Variants in DLGAP2 observed in about 807,000 individuals in gnomAD.
DLGAP2 encodes DLG associated protein 2, also known as disks large-associated protein 2.
A neutral mutation model predicts 100.3 loss-of-function variants in DLGAP2; 26 were observed. The ratio of observed to expected loss-of-function variants is 0.26; its 90% CI spans 0.19 to 0.36. The LOEUF (loss-of-function observed/expected upper bound fraction) is 0.36. Among genes scored for constraint, DLGAP2 ranks in the 10% least tolerant of loss-of-function variants. DLGAP2 has a pLI of 1.00. For missense variants in DLGAP2, 1,858 were observed against 1,453.2 expected (o/e 1.28, Z -4.53); for synonymous variants, 886 against 630.1 (o/e 1.41, Z -6.08).
At chr8:761,586 T>C (rs1821085598) in intron 1 of DLGAP2, among the ~76,000 whole-genome samples, 1 of 152,232 alleles carries the variant, frequency 6.6e-6, no homozygotes, top group East Asian at 1.9e-4. Context: ...CTGGCCGGGA[T>C]GGGCACTGGG....
Position 1,287,471 on chromosome 8 carries a change from C to CGT in DLGAP2, c.106+28612_106+28613dup, listed in dbSNP as rs764935176. On this transcript the variant is annotated intron_variant, in intron 3 of 14. Coordinates refer to ENST00000637795, the MANE Select transcript of DLGAP2 (RefSeq NM_001346810.2). ...AGGAGGGGAACTAGTTTCGGTTCAG[C>CGT]GTGTGTGTGTGTGTGTGTGTGTGTG... Among the ~76,000 whole-genome samples the CGT allele has an allele frequency of 1.0e-2, 232 of 23,304 alleles. 13 individuals carry two copies. Among genetic ancestry groups the CGT allele is most frequent in the Non-Finnish European group, 0.013 (197 of 14,792 alleles). 15.3% of individuals were successfully genotyped at this position (23,304 alleles called of 152,430 possible). A position where few individuals can be genotyped will look rare whatever the true frequency, so the allele number is the denominator to read the frequency against.
chr8:1,276,005 AATAG>A lies in DLGAP2; in HGVS notation c.106+17126_106+17129del, dbSNP rs1418399866. ...AATATATAAATAAATGTAATATATA[AATAG>A]ATATAGAATATATAAATAAATATAT... is the stretch of plus-strand genomic sequence containing the variant. On this transcript the variant is annotated intron_variant, in intron 3 of 14. Transcript: ENST00000637795. 3.8e-5 allele frequency among the ~76,000 whole-genome samples: 5 copies of A among 130,372 alleles called. No individual in the cohort carries two copies. The South Asian group carries it at 6.8e-4, about 18-fold the overall frequency. The allele number at this position is 130,372 out of a possible 152,430, so 85.5% of individuals were successfully genotyped here. A position where few individuals can be genotyped will look rare whatever the true frequency, so the allele number is the denominator to read the frequency against.
chr8:1,708,148 C>T lies in DLGAP2; in HGVS notation c.*6742C>T, dbSNP rs1365103447. On this transcript the variant is annotated 3_prime_UTR_variant, in exon 15 of 15. Transcript: ENST00000637795. ...CGTTTCCGCCATAACCGTCCTGTGA[C>T]GATGCCTCCATTTGACTTCTGTATC... 4.6e-5 allele frequency: 7 copies of T among 152,204 alleles called. No homozygotes were observed. The East Asian group carries it at 5.8e-4, about 13-fold the overall frequency. The allele number at this position is 152,204 out of a possible 1,614,324, so 9.4% of individuals were successfully genotyped here. A position where few individuals can be genotyped will look rare whatever the true frequency, so the allele number is the denominator to read the frequency against.
chr8:814,691 CAA>C (rs879636608), intron 1 of DLGAP2, among the ~76,000 whole-genome samples: 22 of 140,390 alleles, frequency 1.6e-4, no homozygotes, highest in African/African-American at 5.2e-4. Context: ...ACTAAAAATA[CAA>C]AAAAAAAAAA....
intron 6 of DLGAP2, chr8:1,604,473 T>G (rs544075902): frequency 6.6e-6 from 1 of 152,148 alleles, no homozygotes; most frequent in Non-Finnish European, 1.5e-5. Context: ...AAATTTGGAT[T>G]TGGGGCTGAC....
chr8:1,079,086 G>T (rs997946792), intron 2 of DLGAP2, among the ~76,000 whole-genome samples: 1 of 152,176 alleles, frequency 6.6e-6, no homozygotes, highest in African/African-American at 2.4e-5. Context: ...GGTCTAGCTT[G>T]TGGTCATCTG....
At chr8:1,686,673 CA>C (rs34790163) in intron 12 of DLGAP2, among the ~76,000 whole-genome samples, 18,293 of 139,946 alleles carry the variant, frequency 0.13, 1,249 homozygotes, top group East Asian at 0.23. Flanking sequence ...AGACCCCATC[CA>C]AAAAAAAAAA....
intron 2 of DLGAP2, among the ~76,000 whole-genome samples, chr8:1,132,736 G>A (rs908076271): frequency 1.3e-5 from 2 of 152,168 alleles, no homozygotes; most frequent in Non-Finnish European, 2.9e-5. Flanking sequence ...TTTAAAGGTA[G>A]GGTTGCAGAA....
At chr8:1,506,084 G>C (rs964341301) in intron 4 of DLGAP2, among the ~76,000 whole-genome samples, 2 of 152,182 alleles carry the variant, frequency 1.3e-5, no homozygotes, top group East Asian at 1.9e-4. Flanking sequence ...CAGGCACATA[G>C]ATTGTGAACA....
At chr8:1,025,934 G>C (rs1391485814) in intron 2 of DLGAP2, among the ~76,000 whole-genome samples, 2 of 152,174 alleles carry the variant, frequency 1.3e-5, no homozygotes, top group African/African-American at 4.8e-5. Context: ...AGAGTTTCTA[G>C]GGAGCAGGGA....
At chr8:1,539,538 G>A (rs547084483) in intron 4 of DLGAP2, among the ~76,000 whole-genome samples, 5 of 152,258 alleles carry the variant, frequency 3.3e-5, no homozygotes, top group African/African-American at 1.2e-4. Flanking sequence ...GGACTGGGGT[G>A]CACTGAGCCT....
intron 3 of DLGAP2, among the ~76,000 whole-genome samples, chr8:1,328,609 C>G (rs564603243): frequency 3.7e-4 from 57 of 152,288 alleles, no homozygotes; most frequent in African/African-American, 1.2e-3. Flanking sequence ...CCTTGGCCTC[C>G]TAAAGTGCTG....
chr8:1,287,936 C>CAG (rs1799977513), intron 3 of DLGAP2, among the ~76,000 whole-genome samples: 1 of 83,148 alleles, frequency 1.2e-5, no homozygotes, highest in Non-Finnish European at 2.2e-5. Flanking sequence ...AGTTTTGGTT[C>CAG]AGCGTGTGTG....
intron 3 of DLGAP2, among the ~76,000 whole-genome samples, chr8:1,436,691 G>A (rs952625717): frequency 2.6e-5 from 4 of 152,136 alleles, no homozygotes; most frequent in Admixed American, 1.3e-4. Context: ...AGCATACAGT[G>A]ATGTCTCGGG....
At chr8:1,171,347 A>C (rs1047653878) in intron 2 of DLGAP2, among the ~76,000 whole-genome samples, 13 of 152,168 alleles carry the variant, frequency 8.5e-5, no homozygotes, top group Non-Finnish European at 1.9e-4. Flanking sequence ...TGCTGAAAAA[A>C]ATGTATATTC....
At chr8:1,364,603 G>T (rs542511981) in intron 3 of DLGAP2, among the ~76,000 whole-genome samples, 66 of 152,362 alleles carry the variant, frequency 4.3e-4, no homozygotes, top group African/African-American at 1.5e-3. Flanking sequence ...AGGGGCCGGC[G>T]TGCCGCCTCT....
intron 1 of DLGAP2, among the ~76,000 whole-genome samples, chr8:742,068 A>G (rs1305325695): frequency 6.6e-6 from 1 of 152,222 alleles, no homozygotes; most frequent in Non-Finnish European, 1.5e-5. Context: ...CGTGACTTTC[A>G]GTTACATAAA....
intron 2 of DLGAP2, among the ~76,000 whole-genome samples, chr8:1,053,018 G>A (rs749368248): frequency 1.3e-5 from 2 of 152,162 alleles, no homozygotes; most frequent in East Asian, 1.9e-4. Flanking sequence ...TCATCACTGC[G>A]GAGTTGCTGT....
chr8:1,370,023 A>C (rs893491203), intron 3 of DLGAP2, among the ~76,000 whole-genome samples: 2 of 152,034 alleles, frequency 1.3e-5, no homozygotes, highest in African/African-American at 4.8e-5. Context: ...TGAGTTCAGC[A>C]GCATCCTCCC....
Sources: gnomAD v4.1 joint callset for allele counts (sites outside exome capture counted in the v4.1 genomes callset) on GRCh38, gnomAD v4.1.1 for gene constraint, MANE v1.5 for transcripts, NCBI Gene and HGNC (gene_info 2026-07-23, HGNC 2026-07-21) for gene names.